Variants in SPATA1 observed in about 807,000 individuals in gnomAD.
SPATA1 encodes spermatogenesis associated 1.
A neutral mutation model predicts 59.6 loss-of-function variants in SPATA1; 57 were observed. That is an observed-to-expected ratio of 0.96 (90% CI 0.77 to 1.19). The LOEUF is 1.19. Among genes scored for constraint, SPATA1 ranks in the 50% most tolerant of loss-of-function variants. The pLI is 0.00. For synonymous variants in SPATA1, 147 were observed against 163.9 expected (o/e 0.90, Z 0.79); for missense variants, 448 against 480.7 (o/e 0.93, Z 0.64).
At chr1:84,544,356 A>C (rs1684013949) in intron 9 of SPATA1, 52 bp downstream of exon 9, 1 of 1,349,702 alleles carries the variant, frequency 7.4e-7, no homozygotes, top group Admixed American at 2.0e-5. Context: ...TAAAGTAAAT[A>C]ATGTTAATGG....
chr1:84,563,557 T>A (rs1684633888), intron 4 of SPATA1: 4 of 694,300 alleles, frequency 5.8e-6, no homozygotes, highest in Non-Finnish European at 6.4e-6. Context: ...TTAAAATAAA[T>A]TTCATTATTA....
At chr1:84,558,493 G>A (rs542671820), downstream of SPATA1, among the ~76,000 whole-genome samples, 92 of 150,668 alleles carry the variant, frequency 6.1e-4, 1 homozygote, top group South Asian at 0.018. Flanking sequence ...GGGTTTCACC[G>A]TTTTAGCCGG....
chr1:84,542,052 C>T (rs974174596), intron 8 of SPATA1, among the ~76,000 whole-genome samples: 1 of 152,120 alleles, frequency 6.6e-6, no homozygotes, highest in Non-Finnish European at 1.5e-5. Flanking sequence ...TCCCTGCAAC[C>T]TCCATCTCCC....
intron 1 of SPATA1, among the ~76,000 whole-genome samples, chr1:84,507,950 C>G (rs1169131268): frequency 2.0e-5 from 3 of 151,790 alleles, no homozygotes; most frequent in Non-Finnish European, 4.4e-5. Context: ...TTTTTTGTAG[C>G]GTGTGTTTAA....
exon 11 of SPATA1, chr1:84,548,788 T>C: frequency 1.7e-6 from 1 of 600,876 alleles, no homozygotes; most frequent in Non-Finnish European, 2.4e-6. Context: ...TTTTATAGCC[T>C]ACAATGGTTG....
chr1:84,553,086 C>CA lies in SPATA1; in HGVS notation c.1277dup (p.Lys427GlufsTer17). The CA allele has an allele frequency of 6.6e-7, 1 of 1,510,380 alleles. No homozygotes were observed. The highest frequency in any genetic ancestry group is 8.8e-7 in the Non-Finnish European group (1 of 1,130,994). The allele number at this position is 1,510,380 out of a possible 1,614,324, so 93.6% of individuals were successfully genotyped here. On this transcript the variant is annotated frameshift_variant, in exon 13 of 13. Coordinates refer to ENST00000490879, the Ensembl canonical transcript of SPATA1. LOFTEE classifies it low-confidence loss of function (END_TRUNC). ...ACGAACATTGAAAACTGAACTGGCA[C>CA]AGAAAAAAAAAATAATACATCTCTA...
exon 5 of SPATA1, chr1:84,565,980 G>A: frequency 6.4e-7 from 1 of 1,572,932 alleles, no homozygotes; most frequent in Middle Eastern, 1.7e-4. Flanking sequence ...TTCTGTCTAT[G>A]TTCTTTGGAG....
At chr1:84,541,796 A>C (rs1448191484) in intron 8 of SPATA1, among the ~76,000 whole-genome samples, 1 of 151,986 alleles carries the variant, frequency 6.6e-6, no homozygotes. Context: ...GTTCATGTTT[A>C]TTTGCGTTGG....
At chr1:84,533,654 C>G (rs1683560789) in intron 7 of SPATA1, 55 bp from the exon 8 acceptor site, 16 of 1,299,164 alleles carry the variant, frequency 1.2e-5, no homozygotes, top group African/African-American at 1.5e-5. Context: ...ATATGAAAAG[C>G]TAATATTCAT....
At chr1:84,521,295 CAT>C (rs1047405471) in intron 3 of SPATA1, among the ~76,000 whole-genome samples, 1 of 152,132 alleles carries the variant, frequency 6.6e-6, no homozygotes, top group Non-Finnish European at 1.5e-5. Flanking sequence ...AAACAAAGAA[CAT>C]GTGTTTATAT....
At chr1:84,536,213 C>T (rs1683673224) in intron 8 of SPATA1, among the ~76,000 whole-genome samples, 1 of 152,254 alleles carries the variant, frequency 6.6e-6, no homozygotes, top group South Asian at 2.1e-4. Context: ...TTTAAATTGG[C>T]TCAAGTTTAA....
At position 84,548,889 on chromosome 1, in the gene SPATA1, A is replaced by G. The variant is rs755097233; in HGVS notation, c.1050A>G (p.Lys350=). The G allele has an allele frequency of 1.9e-6, 3 of 1,608,054 alleles. No homozygotes were observed. The South Asian group carries it at 3.3e-5, about 18-fold the overall frequency. Residue 350 remains lysine (K), a synonymous_variant, in exon 11 of 13, where the codon AAA becomes AAG. Transcript: ENST00000490879. ...GAGAAGATTTGGAACTCTACTATAA[A>G]AAACTGCTCATGCAACTTGAAGCCA...
downstream of SPATA1, among the ~76,000 whole-genome samples, chr1:84,557,209 A>G (rs111982918): frequency 7.2e-5 from 11 of 152,316 alleles, 1 homozygote; most frequent in African/African-American, 2.6e-4. Flanking sequence ...CAGAAACTTG[A>G]TTCATGTTGC....
intron 11 of SPATA1, chr1:84,550,190 T>C (rs553683097): frequency 3.6e-6 from 1 of 274,916 alleles, no homozygotes; most frequent in Admixed American, 5.2e-5. Context: ...TTCATAGTAA[T>C]AGTTGTTGGT....
intron 7 of SPATA1, 116 bp downstream of exon 7, chr1:84,533,090 A>G (rs2101972523): frequency 1.6e-6 from 1 of 642,432 alleles, no homozygotes; most frequent in East Asian, 2.9e-5. Context: ...GAAATTAGTG[A>G]TATTTTAATT....
intron 6 of SPATA1, among the ~76,000 whole-genome samples, chr1:84,531,248 T>G (rs574298983): frequency 5.1e-4 from 78 of 152,118 alleles, no homozygotes; most frequent in Non-Finnish European, 9.3e-4. Context: ...CTGCAGTGTC[T>G]GCCTCCTGGA....
At chr1:84,512,883 G>A (rs1682633320) in intron 1 of SPATA1, among the ~76,000 whole-genome samples, 1 of 152,186 alleles carries the variant, frequency 6.6e-6, no homozygotes, top group South Asian at 2.1e-4. Context: ...CAGTAGAGTT[G>A]TGAAGCAAAA....
intron 1 of SPATA1, 90 bp from the exon 2 acceptor site, chr1:84,516,133 G>A (rs905089269): frequency 2.3e-6 from 1 of 435,610 alleles, no homozygotes; most frequent in Non-Finnish European, 4.1e-6. Context: ...TTTTGAGTTA[G>A]AATAATAAAG....
At position 84,551,331 on chromosome 1, in the gene SPATA1, AAAG is replaced by A. The variant is rs758495071; in HGVS notation, c.1224+804_1224+806del. The A allele has an allele frequency of 2.5e-5, 23 of 924,720 alleles. No individual in the cohort carries two copies. In the African/African-American group the frequency reaches 3.4e-4, roughly 14 times the overall value. The allele number at this position is 924,720 out of a possible 1,614,324, so 57.3% of individuals were successfully genotyped here. A position where few individuals can be genotyped will look rare whatever the true frequency, so the allele number is the denominator to read the frequency against. ...TTTTTAAAAAAATTTTAAAAAGAAAAAAGAAAATCAGTACTGTCCTCGGTTTCA... is the reference window on the plus strand; with the variant it reads ...TTTTTAAAAAAATTTTAAAAAGAAAAAAAATCAGTACTGTCCTCGGTTTCA... On this transcript the variant is annotated intron_variant, in intron 12 of 12. Transcript: ENST00000490879.
Sources: allele counts gnomAD v4.1 joint callset (sites outside exome capture counted in the v4.1 genomes callset), GRCh38; gene constraint gnomAD v4.1.1; transcripts MANE v1.5; gene names NCBI Gene and HGNC (gene_info 2026-07-23, HGNC 2026-07-21).